The following PICALM variants were observed in gnomAD, a reference collection of about 807,000 sequenced individuals.
PICALM encodes phosphatidylinositol-binding clathrin assembly protein.
PICALM carries 40 observed loss-of-function variants against 80.5 expected under a neutral mutation model. The observed-to-expected ratio is 0.50, with a 90% CI of 0.39 to 0.65. The LOEUF (loss-of-function observed/expected upper bound fraction) is 0.65, where lower values mean the gene tolerates loss of function less well. Among genes scored for constraint, PICALM ranks in the 30% least tolerant of loss-of-function variants. PICALM has a pLI of 0.00. For synonymous variants in PICALM, 288 were observed against 260.3 expected (o/e 1.11, Z -1.02); for missense variants, 676 against 778.9 (o/e 0.87, Z 1.57).
rs1174288756 is a variant in PICALM, at chr11:86,001,035, C to T, written c.1017G>A (p.Lys339=). 1 of 1,613,948 alleles carries T rather than the reference C, an allele frequency of 6.2e-7. No individual in the cohort carries two copies. The highest frequency in any genetic ancestry group is 1.3e-5 in the African/African-American group (1 of 75,028). The part of the protein sequence containing the change: ...EEEQARLKAL[K]EQRLKELAKK... ...AAATAAGGAGAATGCACAAACTTACCTTTAAAGCTTTCAAACGTGCCTGTT... is the reference window on the plus strand; with the variant it reads ...AAATAAGGAGAATGCACAAACTTACTTTTAAAGCTTTCAAACGTGCCTGTT... Residue 339 remains lysine (K), a splice_region_variant and synonymous_variant, in exon 10 of 20, where the codon AAG becomes AAA. Coordinates refer to ENST00000393346, the MANE Select transcript of PICALM (RefSeq NM_007166.4).
rs759277181 is a variant in PICALM at position 86,011,131 on chromosome 11, A to G, written c.664T>C (p.Tyr222His). ...NEGIINLLEK[Y>H]FDMKKNQCKE... ...CATTGGTTCTTTTTCATATCAAAATATTTTTCTGACAAAATAAATGTAAAA... is the reference window on the plus strand; with the variant it reads ...CATTGGTTCTTTTTCATATCAAAATGTTTTTCTGACAAAATAAATGTAAAA... The change falls in exon 7 of 20, where the codon TAT (tyrosine) becomes CAT (histidine). Residue 222 changes from tyrosine to histidine, a missense_variant. By Grantham distance (83) the Tyr-to-His change is moderately conservative. Around this residue, in one of 2 missense-constraint regions of PICALM, gnomAD observed 285 missense variants for 395.4 expected, o/e 0.72. Coordinates refer to ENST00000393346, the MANE Select transcript of PICALM (RefSeq NM_007166.4). The G allele has an allele frequency of 1.5e-6, 2 of 1,305,822 alleles. No individual in the cohort carries two copies. Among genetic ancestry groups the G allele is most frequent in the East Asian group, 2.3e-5 (1 of 43,140 alleles). The allele number at this position is 1,305,822 out of a possible 1,614,324, so 80.9% of individuals were successfully genotyped here. A position where few individuals can be genotyped will look rare whatever the true frequency, so the allele number is the denominator to read the frequency against.
At chr11:86,063,017 CTTTAT>C (rs1185130724) in intron 1 of PICALM, among the ~76,000 whole-genome samples, 3 of 151,622 alleles carry the variant, frequency 2.0e-5, no homozygotes, top group East Asian at 1.9e-4. Context: ...TTTCTTACTT[CTTTAT>C]TTTAAGTGAG....
chr11:85,974,524 C>G (rs952253824), intron 19 of PICALM, 184 bp downstream of exon 19: 22 of 709,618 alleles, frequency 3.1e-5, no homozygotes, highest in Middle Eastern at 2.4e-4. Flanking sequence ...ATCTACTTAT[C>G]CTTTCCCTCC....
At chr11:86,069,092 G>A (rs890000230), upstream of PICALM, 3 of 316,334 alleles carry the variant, frequency 9.5e-6, no homozygotes, top group South Asian at 5.8e-5. Flanking sequence ...GGCGGCGCCA[G>A]GCTCCTCCTC....
At chr11:85,972,948 G>A (rs767805648) in intron 19 of PICALM, among the ~76,000 whole-genome samples, 20 of 152,094 alleles carry the variant, frequency 1.3e-4, no homozygotes, top group Non-Finnish European at 2.5e-4. Context: ...GCTGGTAAAA[G>A]TTCAATAACA....
rs2096484839 is a variant in PICALM at position 86,068,852 on chromosome 11, C to T, written c.-72G>A. 1 of 1,483,934 alleles carries T rather than the reference C, an allele frequency of 6.7e-7. No homozygotes were observed. Among genetic ancestry groups the T allele is most frequent in the Admixed American group, 2.2e-5 (1 of 45,126 alleles). The allele number at this position is 1,483,934 out of a possible 1,614,324, so 91.9% of individuals were successfully genotyped here. A position where few individuals can be genotyped will look rare whatever the true frequency, so the allele number is the denominator to read the frequency against. On this transcript the variant is annotated 5_prime_UTR_variant, in exon 1 of 20. Coordinates refer to ENST00000393346, the MANE Select transcript of PICALM (RefSeq NM_007166.4). Reference sequence around the variant, plus strand: ...CTGGGACCCCCAAGAGCCGGAGGGTCCCCACCCCCCACCGCACCCCCTACC... The same window carrying T: ...CTGGGACCCCCAAGAGCCGGAGGGTTCCCACCCCCCACCGCACCCCCTACC...
chr11:85,960,622 G>A (rs1363478626), intron 19 of PICALM: 1 of 718,352 alleles, frequency 1.4e-6, no homozygotes, highest in Non-Finnish European at 2.2e-6. Flanking sequence ...TTTAATGTTT[G>A]GTAATTGTTT....
intron 1 of PICALM, among the ~76,000 whole-genome samples, chr11:86,065,483 T>C (rs368402200): frequency 6.6e-6 from 1 of 152,112 alleles, no homozygotes; most frequent in Non-Finnish European, 1.5e-5. Flanking sequence ...GCAATAATTA[T>C]GGTTCTTTTA....
At chr11:86,058,175 A>G (rs1593458718) in intron 1 of PICALM, among the ~76,000 whole-genome samples, 2 of 39,552 alleles carry the variant, frequency 5.1e-5, no homozygotes, top group African/African-American at 2.9e-4. Context: ...AAAATATGGC[A>G]CACATTCCTA....
rs1489236452 is a variant in PICALM at position 85,966,868 on chromosome 11, A to G, written c.1945-7808T>C. On this transcript the variant is annotated intron_variant, in intron 19 of 19. Coordinates refer to ENST00000393346, the MANE Select transcript of PICALM (RefSeq NM_007166.4). Reference sequence around the variant, plus strand: ...AACGAATGGGGCTACCAAAAGCTGGAAAAGCCAAGGAAGGACCCTCCTCTA... The same window carrying G: ...AACGAATGGGGCTACCAAAAGCTGGGAAAGCCAAGGAAGGACCCTCCTCTA... 6.6e-5 allele frequency among the ~76,000 whole-genome samples: 10 copies of G among 152,354 alleles called. 1 individual carries two copies. In the East Asian group the frequency reaches 1.9e-3, roughly 29 times the overall value.
chr11:85,968,861 C>T (rs535482235), intron 19 of PICALM, among the ~76,000 whole-genome samples: 47 of 151,852 alleles, frequency 3.1e-4, no homozygotes, highest in African/African-American at 1.1e-3. Context: ...AAGACAGCTA[C>T]AATGTTAGGC....
At chr11:85,960,183 A>G (rs2093642024) in intron 19 of PICALM, among the ~76,000 whole-genome samples, 1 of 136,378 alleles carries the variant, frequency 7.3e-6, no homozygotes. Context: ...TTCACTCACA[A>G]TTTCCCTTAA....
intron 4 of PICALM, among the ~76,000 whole-genome samples, chr11:86,016,959 C>T (rs1316313388): frequency 2.0e-5 from 3 of 152,158 alleles, no homozygotes; most frequent in African/African-American, 4.8e-5. Context: ...CGTTGGCTCA[C>T]GCTTGTAATC....
At chr11:86,040,649 G>C (rs2095945628) in intron 1 of PICALM, among the ~76,000 whole-genome samples, 1 of 152,104 alleles carries the variant, frequency 6.6e-6, no homozygotes, top group Non-Finnish European at 1.5e-5. Flanking sequence ...AATGTCTCTG[G>C]GAAAATGCAG....
intron 1 of PICALM, among the ~76,000 whole-genome samples, chr11:86,067,509 G>C (rs574738952): frequency 6.6e-6 from 1 of 152,276 alleles, no homozygotes; most frequent in East Asian, 1.9e-4. Context: ...AAAAAGTTAC[G>C]AGGAGTTAGC....
intron 13 of PICALM, among the ~76,000 whole-genome samples, chr11:85,987,151 C>T (rs2094597250): frequency 6.6e-6 from 1 of 152,160 alleles, no homozygotes; most frequent in African/African-American, 2.4e-5. Context: ...TTATTAAACA[C>T]TACTAAGCAC....
intron 7 of PICALM, among the ~76,000 whole-genome samples, chr11:86,009,430 G>A (rs765491430): frequency 6.6e-6 from 1 of 150,966 alleles, no homozygotes; most frequent in African/African-American, 2.4e-5. Context: ...CATGGCTCAC[G>A]CCTGTAATCC....
At chr11:86,030,458 G>T (rs188549773) in intron 2 of PICALM, among the ~76,000 whole-genome samples, 127 of 152,294 alleles carry the variant, frequency 8.3e-4, no homozygotes, top group Middle Eastern at 6.8e-3. Flanking sequence ...TCTCTAGAAG[G>T]TTATCTTCCC....
chr11:86,002,113 A>G (rs568896605), intron 9 of PICALM, among the ~76,000 whole-genome samples: 1 of 152,234 alleles, frequency 6.6e-6, no homozygotes, highest in Non-Finnish European at 1.5e-5. Context: ...ATTTTATGAT[A>G]AACATTTCAG....
Sources: gnomAD v4.1 joint callset for allele counts (sites outside exome capture counted in the v4.1 genomes callset) on GRCh38, gnomAD v4.1.1 for gene constraint, gnomAD v4.1.1 regional missense constraint, MANE v1.5 for transcripts, NCBI Gene and HGNC (gene_info 2026-07-23, HGNC 2026-07-21) for gene names.